Variants in AGPAT4 observed in about 807,000 individuals in gnomAD.
The protein encoded by AGPAT4 is 1-acylglycerol-3-phosphate O-acyltransferase 4.
Under a neutral mutation model 48.0 loss-of-function variants are expected in AGPAT4, and 15 were observed. The ratio of observed to expected loss-of-function variants is 0.31; its 90% CI spans 0.21 to 0.48. AGPAT4 has a LOEUF of 0.48. AGPAT4 is among the 20% of genes least tolerant of loss of function. The pLI is 0.99. For synonymous variants in AGPAT4, 178 were observed against 198.7 expected (o/e 0.90, Z 0.88); for missense variants, 314 against 482.5 (o/e 0.65, Z 3.27).
rs1015755361 is a variant in AGPAT4, at chr6:161,251,175, T to C, written c.-89-18873A>G. 6.6e-6 allele frequency among the ~76,000 whole-genome samples: 1 copy of C among 152,236 alleles called. No individual in the cohort carries two copies. The highest frequency in any genetic ancestry group is 6.5e-5 in the Admixed American group (1 of 15,286). The stretch of plus-strand genomic sequence containing the variant: ...TCATTTTATCTAGTTTTTCTATAGT[T>C]AATTTTGTTTTTAGCTACTCAATCC... On this transcript the variant is annotated intron_variant, in intron 1 of 8. Transcript: ENST00000320285. This position sits in a 1 kb window ranked among gnomAD's most constrained non-coding sequence, Gnocchi z 4.6.
Position 161,242,076 on chromosome 6 carries a change from C to T in AGPAT4, c.-89-9774G>A, listed in dbSNP as rs1245826142. ...ACATCATAGGGCTTCTGAATCATAA[C>T]CAGTGCAGCAGCATCAGTATAAAAA... On this transcript the variant is annotated intron_variant, in intron 1 of 8. Transcript: ENST00000320285. This position sits in a 1 kb window ranked among gnomAD's most constrained non-coding sequence, Gnocchi z 5.0. 6.6e-6 allele frequency among the ~76,000 whole-genome samples: 1 copy of T among 152,166 alleles called. No individual in the cohort carries two copies. The highest frequency in any genetic ancestry group is 1.5e-5 in the Non-Finnish European group (1 of 68,042).
At chr6:161,174,679 C>T (rs1167240704) in intron 2 of AGPAT4, among the ~76,000 whole-genome samples, 1 of 151,828 alleles carries the variant, frequency 6.6e-6, no homozygotes, top group Non-Finnish European at 1.5e-5. Flanking sequence ...ACTTCCAACA[C>T]TATGTTGAAT....
At chr6:161,181,503 C>CGGGGGGGGG (rs776492737) in intron 2 of AGPAT4, among the ~76,000 whole-genome samples, 3 of 126,134 alleles carry the variant, frequency 2.4e-5, no homozygotes, top group African/African-American at 6.0e-5. Context: ...GTGGGGGTAG[C>CGGGGGGGGG]AGGGGGCGGG....
Position 161,145,584 on chromosome 6 carries a change from T to C in AGPAT4, c.843+940A>G, listed in dbSNP as rs577228786. On this transcript the variant is annotated intron_variant, in intron 7 of 8. Coordinates refer to ENST00000320285, the MANE Select transcript of AGPAT4 (RefSeq NM_020133.3). ...GGAGGCAAATTTAGCTTATCCATCATACTAGAGTCTGTTAAGAGTCTTGTG... is the reference window on the plus strand; with the variant it reads ...GGAGGCAAATTTAGCTTATCCATCACACTAGAGTCTGTTAAGAGTCTTGTG... Among the ~76,000 whole-genome samples, 140 of 151,840 alleles carry C rather than the reference T, an allele frequency of 9.2e-4. 7 individuals are homozygous for C. The highest frequency in any genetic ancestry group is 3.1e-3 in the African/African-American group (128 of 41,104).
At chr6:161,269,780 G>A (rs1783371457) in intron 1 of AGPAT4, among the ~76,000 whole-genome samples, 1 of 152,194 alleles carries the variant, frequency 6.6e-6, no homozygotes, top group African/African-American at 2.4e-5. Context: ...CCTGAGACAT[G>A]ATACTCAACA....
intron 2 of AGPAT4, among the ~76,000 whole-genome samples, chr6:161,213,714 C>A (rs533696022): frequency 1.5e-3 from 222 of 152,188 alleles, no homozygotes; most frequent in African/African-American, 5.1e-3. Context: ...ATTGATTTTT[C>A]CAGGATTGTT....
At chr6:161,192,294 G>A (rs1014576536) in intron 2 of AGPAT4, among the ~76,000 whole-genome samples, 31 of 151,814 alleles carry the variant, frequency 2.0e-4, no homozygotes, top group African/African-American at 7.5e-4. Context: ...GGGATTACAG[G>A]TGCCTGCCAC....
In AGPAT4 at chr6:161,244,814, T is replaced by G. The variant is rs906424404; in HGVS notation, c.-89-12512A>C. On this transcript the variant is annotated intron_variant, in intron 1 of 8. Transcript: ENST00000320285. This position sits in a 1 kb window ranked among gnomAD's most constrained non-coding sequence, Gnocchi z 4.7. ...CACCACTTAGCCTAGGATGAAACAC[T>G]GTCTTTGGCCCCCTGAGCAAAGCTC... Among the ~76,000 whole-genome samples, 2 of 152,170 alleles carry G rather than the reference T, an allele frequency of 1.3e-5. No homozygotes were observed. Among genetic ancestry groups the G allele is most frequent in the Non-Finnish European group, 2.9e-5 (2 of 68,036 alleles).
rs1026586538 is a variant in AGPAT4 at position 161,225,752 on chromosome 6, G to A, written c.178+6284C>T. Among the ~76,000 whole-genome samples the A allele has an allele frequency of 5.9e-5, 9 of 152,136 alleles. No individual in the cohort carries two copies. The highest frequency in any genetic ancestry group is 9.7e-5 in the African/African-American group (4 of 41,420). ...CACACTTCAGAAGTAAAAGGTACCCGCAGGTGACAGAGGAAAAAGAGGAAA... is the reference window on the plus strand; with the variant it reads ...CACACTTCAGAAGTAAAAGGTACCCACAGGTGACAGAGGAAAAAGAGGAAA... On this transcript the variant is annotated intron_variant, in intron 2 of 8. Coordinates refer to ENST00000320285, the MANE Select transcript of AGPAT4 (RefSeq NM_020133.3). The surrounding 1 kb of genome is among the most constrained non-coding windows in gnomAD (Gnocchi z 5.0).
At position 161,170,464 on chromosome 6, in the gene AGPAT4, TGCGCGC is replaced by T. The variant is rs143568421; in HGVS notation, c.179-4053_179-4048del. Reference sequence around the variant, plus strand: ...ATTTATACACATGCGCGTGCACACGTGCGCGCGCGCACACACACACACACACACACA... The same window carrying T: ...ATTTATACACATGCGCGTGCACACGTGCGCACACACACACACACACACACA... On this transcript the variant is annotated intron_variant, in intron 2 of 8. Coordinates refer to ENST00000320285, the MANE Select transcript of AGPAT4 (RefSeq NM_020133.3). 5.7e-4 allele frequency among the ~76,000 whole-genome samples: 79 copies of T among 137,684 alleles called. 1 individual carries two copies. In the East Asian group the frequency reaches 6.5e-3, roughly 11 times the overall value. The allele number at this position is 137,684 out of a possible 152,430, so 90.3% of individuals were successfully genotyped here.
Position 161,229,037 on chromosome 6 carries a change from T to C in AGPAT4, c.178+2999A>G, listed in dbSNP as rs1183489296. Among the ~76,000 whole-genome samples, 1 of 152,052 alleles carries C rather than the reference T, an allele frequency of 6.6e-6. No individual in the cohort carries two copies. Among genetic ancestry groups the C allele is most frequent in the Non-Finnish European group, 1.5e-5 (1 of 68,028 alleles). ...CTGTCTTTACTGCTTGTTTTGTCTC[T>C]ATTTGTCTTTTGTATCAGCATGGCC... On this transcript the variant is annotated intron_variant, in intron 2 of 8. Transcript: ENST00000320285. The surrounding 1 kb of genome is among the most constrained non-coding windows in gnomAD (Gnocchi z 6.0).
chr6:161,186,942 G>T (rs1301006252), intron 2 of AGPAT4, among the ~76,000 whole-genome samples: 2 of 152,128 alleles, frequency 1.3e-5, no homozygotes, highest in Non-Finnish European at 2.9e-5. Context: ...CCTCCCTTAG[G>T]AGTAGTCTCT....
In AGPAT4 at chr6:161,245,642, T is replaced by C. The variant is rs1207251636; in HGVS notation, c.-89-13340A>G. On this transcript the variant is annotated intron_variant, in intron 1 of 8. Coordinates refer to ENST00000320285, the MANE Select transcript of AGPAT4 (RefSeq NM_020133.3). This position sits in a 1 kb window ranked among gnomAD's most constrained non-coding sequence, Gnocchi z 5.2. The stretch of plus-strand genomic sequence containing the variant: ...CGTTCATTTTCTTCTGCATCTCAGA[T>C]ACCAGAAACTGGGCTCTTTTCTCTT... 1.3e-5 allele frequency among the ~76,000 whole-genome samples: 2 copies of C among 152,160 alleles called. No homozygotes were observed. Among genetic ancestry groups the C allele is most frequent in the African/African-American group, 4.8e-5 (2 of 41,436 alleles).
Position 161,178,637 on chromosome 6 carries a change from T to C in AGPAT4, c.179-12220A>G, listed in dbSNP as rs950923501. 2.0e-5 allele frequency among the ~76,000 whole-genome samples: 3 copies of C among 152,072 alleles called. No individual in the cohort carries two copies. Among genetic ancestry groups the C allele is most frequent in the Admixed American group, 1.3e-4 (2 of 15,266 alleles). On this transcript the variant is annotated intron_variant, in intron 2 of 8. Transcript: ENST00000320285. The surrounding 1 kb of genome is among the most constrained non-coding windows in gnomAD (Gnocchi z 5.1). ...ACACTCGCGTGGGCTGCACCCACTG[T>C]CCGACAAGCCCCAGTGAGATGAACC... is the stretch of plus-strand genomic sequence containing the variant.
At position 161,214,044 on chromosome 6, in the gene AGPAT4, C is replaced by T. The variant is rs1026517045; in HGVS notation, c.178+17992G>A. ...CCACCCATTCTATTCAAAGGCATCC[C>T]TCTGCTCACTGAGATAAATGCATAT... On this transcript the variant is annotated intron_variant, in intron 2 of 8. Transcript: ENST00000320285. This position sits in a 1 kb window ranked among gnomAD's most constrained non-coding sequence, Gnocchi z 5.4. Among the ~76,000 whole-genome samples, 4 of 152,142 alleles carry T rather than the reference C, an allele frequency of 2.6e-5. No homozygotes were observed. The highest frequency in any genetic ancestry group is 7.2e-5 in the African/African-American group (3 of 41,430).
chr6:161,263,196 C>T (rs1783154530), intron 1 of AGPAT4, among the ~76,000 whole-genome samples: 1 of 29,628 alleles, frequency 3.4e-5, no homozygotes, highest in Admixed American at 3.4e-4. Context: ...AGGTGCATTT[C>T]CCCCGGTGAG....
chr6:161,238,093 G>A lies in AGPAT4; in HGVS notation c.-89-5791C>T, dbSNP rs963633569. On this transcript the variant is annotated intron_variant, in intron 1 of 8. Coordinates refer to ENST00000320285, the MANE Select transcript of AGPAT4 (RefSeq NM_020133.3). This position sits in a 1 kb window ranked among gnomAD's most constrained non-coding sequence, Gnocchi z 5.2. ...GGGGGGGTAATGGGGGGGTTGGGGGGCGGGAGGCAGAATGCAGCATAGTTG... is the reference window on the plus strand; with the variant it reads ...GGGGGGGTAATGGGGGGGTTGGGGGACGGGAGGCAGAATGCAGCATAGTTG... Among the ~76,000 whole-genome samples the A allele has an allele frequency of 3.6e-5, 5 of 139,140 alleles. No homozygotes were observed. The highest frequency in any genetic ancestry group is 2.2e-4 in the Admixed American group (3 of 13,884). The allele number at this position is 139,140 out of a possible 152,430, so 91.3% of individuals were successfully genotyped here.
rs1031263146 is a variant in AGPAT4, at chr6:161,233,115, A to C, written c.-89-813T>G. On this transcript the variant is annotated intron_variant, in intron 1 of 8. Transcript: ENST00000320285. The surrounding 1 kb of genome is among the most constrained non-coding windows in gnomAD (Gnocchi z 5.4). ...ATAGACACACACACAAACACCACAC[A>C]CACACACACACACACACACACACAC... Among the ~76,000 whole-genome samples, 8 of 66,968 alleles carry C rather than the reference A, an allele frequency of 1.2e-4. No homozygotes were observed. The highest frequency in any genetic ancestry group is 8.5e-4 in the Admixed American group (8 of 9,420). 43.9% of individuals were successfully genotyped at this position (66,968 alleles called of 152,430 possible).
At chr6:161,199,118 A>C (rs74401026) in intron 2 of AGPAT4, among the ~76,000 whole-genome samples, 3 of 151,678 alleles carry the variant, frequency 2.0e-5, no homozygotes, top group South Asian at 2.1e-4. Flanking sequence ...AAAAAAAAAA[A>C]CACGTTAATT....
Sources: allele counts gnomAD v4.1 joint callset (sites outside exome capture counted in the v4.1 genomes callset), GRCh38; gene constraint gnomAD v4.1.1; non-coding constraint Gnocchi (gnomAD v3.1); transcripts MANE v1.5; gene names NCBI Gene and HGNC (gene_info 2026-07-23, HGNC 2026-07-21).